The following PRDM10 variants were observed in gnomAD, a reference collection of about 807,000 sequenced individuals.
PRDM10 encodes the protein PR domain zinc finger protein 10.
PRDM10 carries 65 observed loss-of-function variants against 133.1 expected under a neutral mutation model. The observed-to-expected ratio is 0.49, with a 90% CI of 0.40 to 0.60. The LOEUF (loss-of-function observed/expected upper bound fraction) is 0.60, where lower values mean the gene tolerates loss of function less well. Among genes scored for constraint, PRDM10 ranks in the 20% least tolerant of loss-of-function variants. The probability of loss-of-function intolerance (pLI) is 0.00; values close to 1 mark genes in which losing one functional copy is unlikely to be tolerated. For synonymous variants in PRDM10, 582 were observed against 580.4 expected, an observed-to-expected ratio of 1.00 and a Z score of -0.04; for missense variants, 1,137 against 1,507.1, an observed-to-expected ratio of 0.75 and a Z score of 4.07.
chr11:129,995,635 G>C (rs1175661730), intron 1 of PRDM10, among the ~76,000 whole-genome samples: 1 of 151,410 alleles, frequency 6.6e-6, no homozygotes, highest in Non-Finnish European at 1.5e-5. Context: ...ACAAAAATAA[G>C]AATCTTGAAA....
rs1339081770 is a variant in PRDM10 at position 129,957,727 on chromosome 11, C to T, written c.234+19G>A. 1 of 1,594,770 alleles carries T rather than the reference C, an allele frequency of 6.3e-7. No homozygotes were observed. Among genetic ancestry groups the T allele is most frequent in the Non-Finnish European group, 8.5e-7 (1 of 1,170,092 alleles). On this transcript the variant is annotated intron_variant, in intron 3 of 20. Transcript: ENST00000360871. Reference sequence around the variant, plus strand: ...AATTAGTTAATTGACAAATTATCAACAGATAACCCTTCACATGCCTGTGCA... The same window carrying T: ...AATTAGTTAATTGACAAATTATCAATAGATAACCCTTCACATGCCTGTGCA...
At chr11:129,912,058 C>T in intron 18 of PRDM10, 27 bp downstream of exon 18, 2 of 1,569,452 alleles carry the variant, frequency 1.3e-6, no homozygotes, top group South Asian at 2.4e-5. Context: ...ATGATAACAC[C>T]TCCAAATAGT....
chr11:129,919,711 T>G (rs977397957), intron 13 of PRDM10, among the ~76,000 whole-genome samples: 29 of 152,220 alleles, frequency 1.9e-4, no homozygotes, highest in African/African-American at 6.5e-4. Flanking sequence ...CCATAAAGAC[T>G]CTGAGGCTTT....
intron 18 of PRDM10, 54 bp downstream of exon 18, chr11:129,912,031 T>C: frequency 6.7e-7 from 1 of 1,489,078 alleles, no homozygotes; most frequent in Non-Finnish European, 9.0e-7. Context: ...TCATTAACTC[T>C]GATAATCCCT....
At chr11:129,943,054 G>C (rs886174952) in intron 6 of PRDM10, among the ~76,000 whole-genome samples, 2 of 152,154 alleles carry the variant, frequency 1.3e-5, no homozygotes, top group Non-Finnish European at 2.9e-5. Flanking sequence ...AGGAGATTTT[G>C]AGAACACAAA....
intron 7 of PRDM10, among the ~76,000 whole-genome samples, chr11:129,938,518 C>T (rs1056197624): frequency 5.9e-5 from 9 of 152,132 alleles, no homozygotes; most frequent in African/African-American, 1.7e-4. Flanking sequence ...TCTCCATCCC[C>T]GCTTTTGCCA....
chr11:129,925,502 CAA>C (rs947878684), intron 11 of PRDM10, among the ~76,000 whole-genome samples: 2 of 151,670 alleles, frequency 1.3e-5, no homozygotes, highest in South Asian at 4.1e-4. Context: ...GTTTAAGTAA[CAA>C]AAAAAGTGTT....
intron 2 of PRDM10, among the ~76,000 whole-genome samples, chr11:129,960,463 AC>A (rs1951775295): frequency 6.6e-6 from 1 of 152,226 alleles, no homozygotes; most frequent in African/African-American, 2.4e-5. Flanking sequence ...TCATAATGGA[AC>A]AACTTTGACT....
At chr11:129,946,640 C>A (rs1459732204) in intron 5 of PRDM10, among the ~76,000 whole-genome samples, 1 of 152,194 alleles carries the variant, frequency 6.6e-6, no homozygotes, top group Non-Finnish European at 1.5e-5. Flanking sequence ...ATTATTGGCA[C>A]AGCCCTGGGA....
At position 129,910,609 on chromosome 11, in the gene PRDM10, C is replaced by A; in HGVS notation, c.3030G>T (p.Gly1010=). ...LSPSAQQAQQ[G]LSPSHIQGSS... ...TGCCCTGGATGTGGGAGGGGCTGAG[C>A]CCCTGCTGAGCCTGCTGGGCTGAGG... The change falls in exon 19 of 21, where the codon GGG becomes GGT. Residue 1010 remains glycine, a synonymous_variant. Coordinates refer to ENST00000360871, the MANE Select transcript of PRDM10 (RefSeq NM_199437.2). The A allele has an allele frequency of 6.2e-7, 1 of 1,611,430 alleles. No individual in the cohort carries two copies. Among genetic ancestry groups the A allele is most frequent in the Non-Finnish European group, 8.5e-7 (1 of 1,178,240 alleles).
intron 11 of PRDM10, chr11:129,929,560 A>G: frequency 1.4e-6 from 1 of 689,866 alleles, no homozygotes. Flanking sequence ...TGTGTGAGAG[A>G]AAAAAAAACA....
At chr11:129,912,480 C>G (rs944084776) in intron 17 of PRDM10, among the ~76,000 whole-genome samples, 3 of 151,794 alleles carry the variant, frequency 2.0e-5, no homozygotes, top group South Asian at 2.1e-4. Context: ...GGCCGGGCGC[C>G]GTGGCTCACG....
At chr11:129,909,030 C>A (rs1045148925) in intron 19 of PRDM10, among the ~76,000 whole-genome samples, 2 of 151,844 alleles carry the variant, frequency 1.3e-5, no homozygotes, top group African/African-American at 2.4e-5. Context: ...ACGCCTGGCC[C>A]GCTCCACTCT....
rs937434623 is a variant in PRDM10 at position 129,918,985 on chromosome 11, T to C, written c.2035-267A>G. 2.6e-5 allele frequency among the ~76,000 whole-genome samples: 4 copies of C among 152,148 alleles called. No homozygotes were observed. The highest frequency in any genetic ancestry group is 5.9e-5 in the Non-Finnish European group (4 of 68,038). On this transcript the variant is annotated intron_variant, in intron 13 of 20. Transcript: ENST00000360871. The surrounding 1 kb of genome is among the most constrained non-coding windows in gnomAD (Gnocchi z 5.3). ...TACCGACTTTTGAGAATAAAGACTG[T>C]GCATTTATGTAGAGGAGATTAAAGA... is the stretch of plus-strand genomic sequence containing the variant.
intron 1 of PRDM10, among the ~76,000 whole-genome samples, chr11:129,981,537 A>C (rs1938111582): frequency 1.3e-5 from 2 of 152,186 alleles, no homozygotes; most frequent in Admixed American, 1.3e-4. Context: ...CTTTTCAGAC[A>C]CTGAAAGTCT....
At chr11:129,966,595 A>G (rs1415022506) in intron 1 of PRDM10, among the ~76,000 whole-genome samples, 1 of 152,202 alleles carries the variant, frequency 6.6e-6, no homozygotes, top group African/African-American at 2.4e-5. Context: ...CAGGGCATAA[A>G]TTTTATTAGA....
At chr11:129,971,308 A>G (rs963366609) in intron 1 of PRDM10, among the ~76,000 whole-genome samples, 2 of 152,126 alleles carry the variant, frequency 1.3e-5, no homozygotes, top group African/African-American at 4.8e-5. Flanking sequence ...ATCTGGCCCC[A>G]CACGCATCCT....
rs1049592624 is a variant in PRDM10, at chr11:129,918,127, G to T, written c.2214+412C>A. Among the ~76,000 whole-genome samples, 48 of 151,670 alleles carry T rather than the reference G, an allele frequency of 3.2e-4. No homozygotes were observed. The highest frequency in any genetic ancestry group is 1.1e-3 in the African/African-American group (46 of 41,260). On this transcript the variant is annotated intron_variant, in intron 14 of 20. Coordinates refer to ENST00000360871, the MANE Select transcript of PRDM10 (RefSeq NM_199437.2). This position sits in a 1 kb window ranked among gnomAD's most constrained non-coding sequence, Gnocchi z 5.3. ...GCCTGGGCAACAGGAGCGAAATTCT[G>T]TCTCAAAAATAAATAAATAAAATAA... is the stretch of plus-strand genomic sequence containing the variant.
Position 129,925,057 on chromosome 11 carries a change from C to T in PRDM10, c.1703G>A (p.Ser568Asn). 4.3e-6 allele frequency: 7 copies of T among 1,614,208 alleles called. No individual in the cohort carries two copies. Among genetic ancestry groups the T allele is most frequent in the Non-Finnish European group, 5.9e-6 (7 of 1,180,042 alleles). The part of the protein sequence containing the change: ...CDLCNKGFIS[S>N]TSLESHMKLH... Reference sequence around the variant, plus strand: ...CTTCATGTGGCTCTCCAAGGATGTGCTGCTGATGAAGCCCTTGTTACAGAG... The same window carrying T: ...CTTCATGTGGCTCTCCAAGGATGTGTTGCTGATGAAGCCCTTGTTACAGAG... Residue 568 changes from serine (S) to asparagine (N), a missense_variant, in exon 12 of 21, where the codon AGC becomes AAC. Transcript: ENST00000360871.
Sources: gnomAD v4.1 joint callset for allele counts (sites outside exome capture counted in the v4.1 genomes callset) on GRCh38, gnomAD v4.1.1 for gene constraint, Gnocchi (gnomAD v3.1) non-coding constraint, MANE v1.5 for transcripts, NCBI Gene and HGNC (gene_info 2026-07-23, HGNC 2026-07-21) for gene names.